DGLUCY: variants seen among roughly 807,000 people sequenced by gnomAD.
DGLUCY encodes the protein D-glutamate cyclase, mitochondrial.
DGLUCY carries 58 observed loss-of-function variants against 58.5 expected under a neutral mutation model. That is an observed-to-expected ratio of 0.99 (90% CI 0.80 to 1.23). DGLUCY has a LOEUF of 1.23. Among genes scored for constraint, DGLUCY ranks in the 50% most tolerant of loss-of-function variants. The pLI, the probability that DGLUCY is intolerant of heterozygous loss-of-function variation, is 0.00. For synonymous variants in DGLUCY, 325 were observed against 314.1 expected, an observed-to-expected ratio of 1.03 and a Z score of -0.37; for missense variants, 779 against 784.7, an observed-to-expected ratio of 0.99 and a Z score of 0.09.
intron 1 of DGLUCY, among the ~76,000 whole-genome samples, chr14:91,087,788 A>G (rs2044247231): frequency 6.6e-6 from 1 of 152,220 alleles, no homozygotes; most frequent in African/African-American, 2.4e-5. Flanking sequence ...TCCTTTGTTC[A>G]GTGTACTCTC....
In DGLUCY at chr14:91,068,077, A is replaced by ACGCG. The variant is rs527668243; in HGVS notation, c.-82+7376_-82+7377insGCGC. Among the ~76,000 whole-genome samples, 463 of 84,640 alleles carry ACGCG rather than the reference A, an allele frequency of 5.5e-3. 3 individuals are homozygous for ACGCG. Among genetic ancestry groups the ACGCG allele is most frequent in the South Asian group, 0.012 (34 of 2,752 alleles). The allele number at this position is 84,640 out of a possible 152,430, so 55.5% of individuals were successfully genotyped here. On this transcript the variant is annotated intron_variant, in intron 1 of 4. Transcript: ENST00000521334. ...GGCGCGTGCACACACACACACGCGCACGCACACACACACACACACACACAC... is the reference window on the plus strand; with the variant it reads ...GGCGCGTGCACACACACACACGCGCACGCGCGCACACACACACACACACACACAC...
At chr14:91,157,123 A>G (rs55647007) in intron 1 of DGLUCY, among the ~76,000 whole-genome samples, 18 of 117,864 alleles carry the variant, frequency 1.5e-4, no homozygotes, top group Non-Finnish European at 2.8e-4. Context: ...GGATGGGTGG[A>G]TGGATGGATG....
intron 1 of DGLUCY, among the ~76,000 whole-genome samples, chr14:91,072,878 G>A (rs1042462499): frequency 1.8e-4 from 27 of 151,794 alleles, no homozygotes; most frequent in African/African-American, 3.6e-4. Flanking sequence ...GCACGGTGGC[G>A]GGCGCCTGTC....
upstream of DGLUCY, among the ~76,000 whole-genome samples, chr14:91,109,196 C>T (rs773989731): frequency 3.3e-4 from 50 of 152,270 alleles, no homozygotes; most frequent in Non-Finnish European, 4.7e-4. Context: ...GAGAAATATA[C>T]TTTTGAAAAC....
chr14:91,221,478 C>T (rs572060980), intron 13 of DGLUCY, among the ~76,000 whole-genome samples: 4 of 145,126 alleles, frequency 2.8e-5, no homozygotes, highest in South Asian at 2.2e-4. Context: ...TGGAGGGATG[C>T]GTGGATAATG....
chr14:91,163,110 A>C (rs891330869), intron 3 of DGLUCY, among the ~76,000 whole-genome samples: 6 of 151,882 alleles, frequency 4.0e-5, no homozygotes, highest in Admixed American at 1.3e-4. Context: ...ATACAAAAGA[A>C]TTAGCCAGGT....
chr14:91,211,637 A>G (rs1231166192), intron 12 of DGLUCY, among the ~76,000 whole-genome samples: 1 of 152,224 alleles, frequency 6.6e-6, no homozygotes, highest in African/African-American at 2.4e-5. Flanking sequence ...TCCACATGAG[A>G]AAAAATCAAT....
At position 91,155,308 on chromosome 14, in the gene DGLUCY, C is replaced by T. The variant is rs899874556; in HGVS notation, c.-81-2331C>T. On this transcript the variant is annotated intron_variant, in intron 1 of 13. Coordinates refer to ENST00000256324, the MANE Select transcript of DGLUCY (RefSeq NM_001102368.3). Reference sequence around the variant, plus strand: ...ATAAACATGGGTAACACTTCCACAGCGCTAACTGTGAACCGGCCAGAAGTG... The same window carrying T: ...ATAAACATGGGTAACACTTCCACAGTGCTAACTGTGAACCGGCCAGAAGTG... Among the ~76,000 whole-genome samples, 23 of 152,244 alleles carry T rather than the reference C, an allele frequency of 1.5e-4. 1 individual carries two copies. In the South Asian group the frequency reaches 2.7e-3, roughly 18 times the overall value.
At chr14:91,212,976 G>A (rs1010498841) in intron 12 of DGLUCY, among the ~76,000 whole-genome samples, 2 of 149,698 alleles carry the variant, frequency 1.3e-5, no homozygotes, top group Non-Finnish European at 3.0e-5. Flanking sequence ...ACTCCAGCCC[G>A]GGTGACAGAG....
At chr14:91,104,717 C>T (rs1040562839), upstream of DGLUCY, among the ~76,000 whole-genome samples, 1 of 152,178 alleles carries the variant, frequency 6.6e-6, no homozygotes, top group Admixed American at 6.5e-5. Flanking sequence ...CCTGGGCTCT[C>T]GGATTTCTCT....
intron 8 of DGLUCY, among the ~76,000 whole-genome samples, chr14:91,186,333 G>A (rs926439900): frequency 4.0e-5 from 6 of 151,748 alleles, no homozygotes; most frequent in East Asian, 1.9e-4. Flanking sequence ...TGCAGCCTCC[G>A]CCTCCCAAGT....
chr14:91,183,543 G>A (rs2049309766), intron 8 of DGLUCY, among the ~76,000 whole-genome samples: 1 of 152,122 alleles, frequency 6.6e-6, no homozygotes, highest in Non-Finnish European at 1.5e-5. Flanking sequence ...GCCTCTCTGG[G>A]TTGTGATGCA....
chr14:91,099,071 T>C (rs1264106644), intron 1 of DGLUCY, among the ~76,000 whole-genome samples: 1 of 152,122 alleles, frequency 6.6e-6, no homozygotes, highest in Non-Finnish European at 1.5e-5. Context: ...GTAAGGAGAA[T>C]GAGAGAAGAT....
Position 91,114,459 on chromosome 14 carries a change from A to C in DGLUCY, c.-82+176A>C, listed in dbSNP as rs1196177940. The C allele has an allele frequency of 5.2e-5, 8 of 152,402 alleles. No individual in the cohort carries two copies. The East Asian group carries it at 1.5e-3, about 29-fold the overall frequency. The allele number at this position is 152,402 out of a possible 1,614,324, so 9.4% of individuals were successfully genotyped here. A position where few individuals can be genotyped will look rare whatever the true frequency, so the allele number is the denominator to read the frequency against. On this transcript the variant is annotated intron_variant, in intron 1 of 13. Coordinates refer to ENST00000256324, the MANE Select transcript of DGLUCY (RefSeq NM_001102368.3). ...TTCCTGAAATTCTCCACTGAGGCCC[A>C]GCTGTTCCTCTCCTTGAAAAGTCAA...
chr14:91,200,758 T>C (rs2050503220), intron 11 of DGLUCY, among the ~76,000 whole-genome samples: 1 of 152,132 alleles, frequency 6.6e-6, no homozygotes, highest in African/African-American at 2.4e-5. Context: ...CGTGCGTCTG[T>C]GTGAAGAGAG....
chr14:91,144,328 G>A (rs1342001865), intron 1 of DGLUCY, among the ~76,000 whole-genome samples: 1 of 152,202 alleles, frequency 6.6e-6, no homozygotes, highest in Admixed American at 6.5e-5. Flanking sequence ...GGGAGGCTGA[G>A]GCAGGTGGAT....
At chr14:91,162,177 C>T (rs1234322948) in intron 3 of DGLUCY, among the ~76,000 whole-genome samples, 1 of 152,192 alleles carries the variant, frequency 6.6e-6, no homozygotes, top group Non-Finnish European at 1.5e-5. Flanking sequence ...TGAAATGCTC[C>T]TCAAGGAGAG....
intron 5 of DGLUCY, among the ~76,000 whole-genome samples, chr14:91,172,962 A>G (rs2048653232): frequency 6.6e-6 from 1 of 152,106 alleles, no homozygotes; most frequent in African/African-American, 2.4e-5. Flanking sequence ...CTATTATTTG[A>G]TAACTGTGCT....
intron 1 of DGLUCY, among the ~76,000 whole-genome samples, chr14:91,123,846 G>A (rs144767728): frequency 6.6e-6 from 1 of 152,150 alleles, no homozygotes; most frequent in Admixed American, 6.5e-5. Flanking sequence ...CCAAAGTGCT[G>A]GGATTACACG....
Sources: gnomAD v4.1 joint callset for allele counts (sites outside exome capture counted in the v4.1 genomes callset) on GRCh38, gnomAD v4.1.1 for gene constraint, MANE v1.5 for transcripts, NCBI Gene and HGNC (gene_info 2026-07-23, HGNC 2026-07-21) for gene names.